The following ALCAM variants were observed in gnomAD, a reference collection of about 807,000 sequenced individuals.
ALCAM encodes activated leukocyte cell adhesion molecule.
ALCAM carries 30 observed loss-of-function variants against 70.9 expected under a neutral mutation model. The ratio of observed to expected loss-of-function variants is 0.42; its 90% CI spans 0.32 to 0.57. The LOEUF (loss-of-function observed/expected upper bound fraction) is 0.57, where lower values mean the gene tolerates loss of function less well. Among genes scored for constraint, ALCAM ranks in the 20% least tolerant of loss-of-function variants. The pLI is 0.11. For missense variants in ALCAM, 591 were observed against 695.1 expected, an observed-to-expected ratio of 0.85 and a Z score of 1.68; for synonymous variants, 249 against 242.5, an observed-to-expected ratio of 1.03 and a Z score of -0.25.
rs148778326 is a variant in ALCAM, at chr3:105,523,398, C to T, written c.175-891C>T. Among the ~76,000 whole-genome samples, 646 of 152,244 alleles carry T rather than the reference C, an allele frequency of 4.2e-3. 4 individuals are homozygous for T. Among genetic ancestry groups the T allele is most frequent in the Admixed American group, 7.1e-3 (108 of 15,294 alleles). Reference sequence around the variant, plus strand: ...TAAAACTTTTGGACTCCAATATCAACTTAGTAATTGATATTATTAATTCTT... The same window carrying T: ...TAAAACTTTTGGACTCCAATATCAATTTAGTAATTGATATTATTAATTCTT... On this transcript the variant is annotated intron_variant, in intron 2 of 15. Coordinates refer to ENST00000306107, the MANE Select transcript of ALCAM (RefSeq NM_001627.4).
At chr3:105,569,598 A>G (rs1426787133) in intron 14 of ALCAM, among the ~76,000 whole-genome samples, 1 of 152,204 alleles carries the variant, frequency 6.6e-6, no homozygotes, top group Non-Finnish European at 1.5e-5. Flanking sequence ...ATATTAAGGA[A>G]CAGTGGAAGG....
chr3:105,409,075 G>T (rs1276672574), intron 1 of ALCAM, among the ~76,000 whole-genome samples: 3 of 151,976 alleles, frequency 2.0e-5, no homozygotes, highest in Admixed American at 2.0e-4. Context: ...GCAGTGAAAA[G>T]GGAACAGTTT....
At chr3:105,462,931 A>G (rs899221158) in intron 1 of ALCAM, among the ~76,000 whole-genome samples, 2 of 151,588 alleles carry the variant, frequency 1.3e-5, no homozygotes, top group East Asian at 1.9e-4. Flanking sequence ...AATATTAGCT[A>G]TGCACTCTCT....
chr3:105,380,067 T>G (rs1935478931), intron 1 of ALCAM, among the ~76,000 whole-genome samples: 1 of 151,828 alleles, frequency 6.6e-6, no homozygotes, highest in Non-Finnish European at 1.5e-5. Flanking sequence ...TTAAAACTGT[T>G]ATATATTTGA....
chr3:105,541,496 G>A lies in ALCAM; in HGVS notation c.859-137G>A, dbSNP rs548948813. On this transcript the variant is annotated intron_variant, in intron 7 of 15. Transcript: ENST00000306107. Reference sequence around the variant, plus strand: ...GAATCAGATATTGGTAACACAAACTGTACTCTTTTTGTGTGATCAATGAAA... The same window carrying A: ...GAATCAGATATTGGTAACACAAACTATACTCTTTTTGTGTGATCAATGAAA... The A allele has an allele frequency of 4.1e-4, 363 of 893,368 alleles. 1 individual carries two copies. The African/African-American group carries it at 5.7e-3, about 14-fold the overall frequency. 55.3% of individuals were successfully genotyped at this position (893,368 alleles called of 1,614,324 possible).
chr3:105,511,965 T>A (rs1394465493), intron 1 of ALCAM, among the ~76,000 whole-genome samples: 1 of 152,000 alleles, frequency 6.6e-6, no homozygotes, highest in African/African-American at 2.4e-5. Flanking sequence ...AGTCTGTAAT[T>A]CTAATACTAT....
chr3:105,402,860 C>G (rs973659324), intron 1 of ALCAM, among the ~76,000 whole-genome samples: 1 of 151,902 alleles, frequency 6.6e-6, no homozygotes. Context: ...CCCTGCCCAC[C>G]GTCTGAGAAA....
rs1444686355 is a variant in ALCAM at position 105,532,657 on chromosome 3, G to A, written c.459+591G>A. ...TGAAAGATGAATAGATTTTCACCAA[G>A]CCAAAGGTAGAAATGGCTTTCCAAC... is the stretch of plus-strand genomic sequence containing the variant. On this transcript the variant is annotated intron_variant, in intron 4 of 15. Coordinates refer to ENST00000306107, the MANE Select transcript of ALCAM (RefSeq NM_001627.4). 2.6e-5 allele frequency among the ~76,000 whole-genome samples: 4 copies of A among 152,108 alleles called. No homozygotes were observed. In the East Asian group the frequency reaches 5.8e-4, roughly 22 times the overall value.
At chr3:105,474,838 G>A (rs753286902) in intron 1 of ALCAM, among the ~76,000 whole-genome samples, 21 of 151,272 alleles carry the variant, frequency 1.4e-4, no homozygotes, top group Non-Finnish European at 2.1e-4. Flanking sequence ...TGGCTTACTA[G>A]TTGTTGTTTT....
intron 1 of ALCAM, among the ~76,000 whole-genome samples, chr3:105,508,859 G>A (rs942328730): frequency 4.6e-5 from 7 of 151,878 alleles, no homozygotes; most frequent in African/African-American, 1.7e-4. Flanking sequence ...TGTAGCCTTT[G>A]ACCAACATCT....
chr3:105,539,032 A>C (rs1023625152), intron 6 of ALCAM, among the ~76,000 whole-genome samples: 2 of 152,150 alleles, frequency 1.3e-5, no homozygotes, highest in African/African-American at 4.8e-5. Context: ...AATAAAAAAA[A>C]TAGGTTTTCA....
intron 1 of ALCAM, among the ~76,000 whole-genome samples, chr3:105,422,011 T>C (rs1936663180): frequency 6.6e-6 from 1 of 151,314 alleles, no homozygotes; most frequent in South Asian, 2.1e-4. Flanking sequence ...CCACTTGGAG[T>C]CTTCAGGGTC....
At chr3:105,389,317 T>C (rs1049593433) in intron 1 of ALCAM, among the ~76,000 whole-genome samples, 1 of 150,362 alleles carries the variant, frequency 6.7e-6, no homozygotes, top group Non-Finnish European at 1.5e-5. Flanking sequence ...TAAAACGGAA[T>C]GTGTTTTGAA....
chr3:105,513,248 A>AG (rs1337855108), intron 1 of ALCAM: 1 of 151,854 alleles, frequency 6.6e-6, no homozygotes, highest in Non-Finnish European at 1.5e-5. Flanking sequence ...TTGGTAACAC[A>AG]GGGGTTTCAT....
chr3:105,520,258 T>A, intron 2 of ALCAM, 91 bp downstream of exon 2: 1 of 902,998 alleles, frequency 1.1e-6, no homozygotes, highest in Non-Finnish European at 1.8e-6. Flanking sequence ...CAAATTAACC[T>A]AAATGCAATA....
At chr3:105,423,800 A>G (rs562887641) in intron 1 of ALCAM, among the ~76,000 whole-genome samples, 298 of 151,770 alleles carry the variant, frequency 2.0e-3, no homozygotes, top group Admixed American at 4.7e-3. Context: ...CTTGTAGTTG[A>G]AAGTTCACAC....
intron 14 of ALCAM, among the ~76,000 whole-genome samples, chr3:105,571,366 TG>T (rs1347735056): frequency 1.3e-5 from 2 of 152,192 alleles, no homozygotes; most frequent in Non-Finnish European, 2.9e-5. Context: ...CTCAATAATC[TG>T]GTTGTTGTTG....
At position 105,379,947 on chromosome 3, in the gene ALCAM, T is replaced by C. The variant is rs78174131; in HGVS notation, c.73+12466T>C. On this transcript the variant is annotated intron_variant, in intron 1 of 15. Transcript: ENST00000306107. ...TCACTAGACATGATTAAAGTAGGTA[T>C]ACTCTTGAGAAACATACTTTAATAC... 7.8e-4 allele frequency among the ~76,000 whole-genome samples: 119 copies of C among 151,898 alleles called. No homozygotes were observed. In the East Asian group the frequency reaches 0.02, roughly 26 times the overall value.
At chr3:105,546,925 A>T (rs1356860047) in intron 9 of ALCAM, among the ~76,000 whole-genome samples, 1 of 151,516 alleles carries the variant, frequency 6.6e-6, no homozygotes, top group East Asian at 1.9e-4. Flanking sequence ...TTTCCAAATT[A>T]TAAATTCAGT....
Sources: allele counts gnomAD v4.1 joint callset (sites outside exome capture counted in the v4.1 genomes callset), GRCh38; gene constraint gnomAD v4.1.1; transcripts MANE v1.5; gene names NCBI Gene and HGNC (gene_info 2026-07-23, HGNC 2026-07-21).